The following TMEM132B variants were observed in gnomAD, a reference collection of about 807,000 sequenced individuals.
TMEM132B encodes the protein transmembrane protein 132B.
A neutral mutation model predicts 90.8 loss-of-function variants in TMEM132B; 18 were observed. The ratio of observed to expected loss-of-function variants is 0.20; its 90% confidence interval spans 0.14 to 0.29. The LOEUF (loss-of-function observed/expected upper bound fraction) is 0.29. Among genes scored for constraint, TMEM132B ranks in the 10% least tolerant of loss-of-function variants. The probability of loss-of-function intolerance (pLI) is 1.00; values close to 1 mark genes in which losing one functional copy is unlikely to be tolerated. For missense variants in TMEM132B, 1,096 were observed against 1,326.8 expected (o/e 0.83, Z 2.70); for synonymous variants, 504 against 523.3 (o/e 0.96, Z 0.50).
intron 1 of TMEM132B, among the ~76,000 whole-genome samples, chr12:125,337,879 A>T (rs1348307243): frequency 6.6e-6 from 1 of 152,064 alleles, no homozygotes; most frequent in Admixed American, 6.5e-5. Flanking sequence ...TATATCCTTG[A>T]TCTCCTTCCC....
At chr12:125,346,738 C>T (rs948845730) in intron 1 of TMEM132B, among the ~76,000 whole-genome samples, 13 of 152,192 alleles carry the variant, frequency 8.5e-5, no homozygotes, top group African/African-American at 2.9e-4. Context: ...TCCTGCCAAG[C>T]CTGTATGGAC....
chr12:125,247,753 C>A (rs907998417), intron 1 of TMEM132B, among the ~76,000 whole-genome samples: 1 of 152,328 alleles, frequency 6.6e-6, no homozygotes, highest in South Asian at 2.1e-4. Context: ...ATGTCACCGG[C>A]CCTGGGATAG....
rs1213863702 is a variant in TMEM132B, at chr12:125,277,169, A to T, written c.68-72283A>T. On this transcript the variant is annotated intron_variant, in intron 1 of 8. Coordinates refer to ENST00000682704, the MANE Select transcript of TMEM132B (RefSeq NM_001366854.1). The surrounding 1 kb of genome is among the most constrained non-coding windows in gnomAD (Gnocchi z 4.3). ...TTAGGGTGGGCCCTAATCCCATATGACTGGTGTCCTTAGATGAAGAGGGAG... is the reference window on the plus strand; with the variant it reads ...TTAGGGTGGGCCCTAATCCCATATGTCTGGTGTCCTTAGATGAAGAGGGAG... Among the ~76,000 whole-genome samples the T allele has an allele frequency of 6.6e-6, 1 of 152,132 alleles. No homozygotes were observed.
intron 1 of TMEM132B, among the ~76,000 whole-genome samples, chr12:125,255,168 T>C (rs1412966161): frequency 1.3e-5 from 2 of 152,166 alleles, no homozygotes; most frequent in African/African-American, 4.8e-5. Context: ...CCTCCATCCC[T>C]AGCTCAGAAC....
chr12:125,469,809 G>A (rs1418128185), intron 3 of TMEM132B, among the ~76,000 whole-genome samples: 4 of 152,190 alleles, frequency 2.6e-5, no homozygotes, highest in Non-Finnish European at 5.9e-5. Context: ...TTTCATGAGA[G>A]GGTTGTGTGC....
Position 125,349,548 on chromosome 12 carries a change from C to T in TMEM132B, c.164C>T (p.Ser55Phe). ...TTGCACATCTCCAATGCAGAGGAGT[C>T]CTTTTTCCTTAAAGAAGCCAACCAA... ...TNLHISNAEE[S>F]FFLKEANQDL... The change falls in exon 2 of 9, where the codon TCC becomes TTC. Residue 55 changes from serine (S) to phenylalanine (F), a missense_variant. Transcript: ENST00000682704. This position sits in a 1 kb window ranked among gnomAD's most constrained non-coding sequence, Gnocchi z 4.1. 1 of 1,613,872 alleles carries T rather than the reference C, an allele frequency of 6.2e-7. No homozygotes were observed. The highest frequency in any genetic ancestry group is 8.5e-7 in the Non-Finnish European group (1 of 1,179,804).
intron 1 of TMEM132B, among the ~76,000 whole-genome samples, chr12:125,239,240 A>G (rs1260775844): frequency 6.6e-6 from 1 of 152,132 alleles, no homozygotes; most frequent in Non-Finnish European, 1.5e-5. Context: ...ATGAGTAGCC[A>G]GGCCAGGGGG....
chr12:125,375,596 G>C (rs537287329), intron 2 of TMEM132B, among the ~76,000 whole-genome samples: 3 of 152,336 alleles, frequency 2.0e-5, no homozygotes, highest in African/African-American at 7.2e-5. Context: ...TGTCCTGGAT[G>C]GGCGAGCAAG....
intron 4 of TMEM132B, among the ~76,000 whole-genome samples, chr12:125,578,493 G>T (rs1050383513): frequency 6.6e-6 from 1 of 152,092 alleles, no homozygotes; most frequent in Admixed American, 6.6e-5. Flanking sequence ...AAATATGTTT[G>T]TACTGTCTTT....
At chr12:125,486,124 G>A (rs555485722) in intron 3 of TMEM132B, among the ~76,000 whole-genome samples, 28 of 152,222 alleles carry the variant, frequency 1.8e-4, no homozygotes, top group African/African-American at 6.0e-4. Flanking sequence ...TGCTGCATTC[G>A]TCTAAGTCCT....
intron 5 of TMEM132B, among the ~76,000 whole-genome samples, chr12:125,611,983 T>A (rs1885839860): frequency 6.6e-6 from 1 of 152,158 alleles, no homozygotes; most frequent in African/African-American, 2.4e-5. Flanking sequence ...GTTGTCCTAC[T>A]CATCGTGAAA....
chr12:125,522,167 T>A (rs575344990), intron 4 of TMEM132B, among the ~76,000 whole-genome samples: 2 of 152,334 alleles, frequency 1.3e-5, no homozygotes, highest in East Asian at 3.9e-4. Flanking sequence ...TTCTCCTGGT[T>A]ACTCTGGCTA....
At chr12:125,212,245 A>T (rs139748007) in intron 1 of TMEM132B, among the ~76,000 whole-genome samples, 2 of 152,176 alleles carry the variant, frequency 1.3e-5, no homozygotes, top group South Asian at 2.1e-4. Flanking sequence ...AACCTTTAAG[A>T]TACTGGTGCC....
chr12:125,242,377 C>T (rs532061755), intron 1 of TMEM132B, among the ~76,000 whole-genome samples: 1 of 152,316 alleles, frequency 6.6e-6, no homozygotes, highest in East Asian at 1.9e-4. Context: ...TCTTGAACTC[C>T]TGAACTCAAG....
chr12:125,197,875 A>G (rs1009071536), intron 1 of TMEM132B, among the ~76,000 whole-genome samples: 2 of 152,264 alleles, frequency 1.3e-5, no homozygotes, highest in Non-Finnish European at 2.9e-5. Context: ...TCAACTTAGT[A>G]ATGCTTTTGA....
chr12:125,238,443 A>G (rs1197355274), intron 1 of TMEM132B, among the ~76,000 whole-genome samples: 1 of 151,212 alleles, frequency 6.6e-6, no homozygotes, highest in East Asian at 1.9e-4. Context: ...GCTGCGTGTA[A>G]TTTGGTTTTC....
At chr12:125,317,522 T>C (rs1876316249) in intron 1 of TMEM132B, among the ~76,000 whole-genome samples, 1 of 152,050 alleles carries the variant, frequency 6.6e-6, no homozygotes, top group Non-Finnish European at 1.5e-5. Flanking sequence ...CTTTGGGCTT[T>C]GGTTTTGGCG....
rs144371324 is a variant in TMEM132B at position 125,540,288 on chromosome 12, G to A, written c.1293+20663G>A. On this transcript the variant is annotated intron_variant, in intron 4 of 8. Coordinates refer to ENST00000682704, the MANE Select transcript of TMEM132B (RefSeq NM_001366854.1). ...ACACTGAGAAATGTATTCTGCTGTT[G>A]TTGAGTGGATTATTCTATAAATGTC... is the stretch of plus-strand genomic sequence containing the variant. Among the ~76,000 whole-genome samples the A allele has an allele frequency of 6.6e-3, 1,004 of 152,280 alleles. 4 individuals are homozygous for A. Among genetic ancestry groups the A allele is most frequent in the Non-Finnish European group, 0.01 (710 of 68,014 alleles).
intron 5 of TMEM132B, among the ~76,000 whole-genome samples, chr12:125,623,462 T>C (rs937440672): frequency 6.6e-6 from 1 of 152,042 alleles, no homozygotes; most frequent in Non-Finnish European, 1.5e-5. Context: ...ATGGGAGTCC[T>C]ACCAAGCAGA....
Sources: allele counts gnomAD v4.1 joint callset (sites outside exome capture counted in the v4.1 genomes callset), GRCh38; gene constraint gnomAD v4.1.1; non-coding constraint Gnocchi (gnomAD v3.1); transcripts MANE v1.5; gene names NCBI Gene and HGNC (gene_info 2026-07-23, HGNC 2026-07-21).